The following LRBA variants were observed in gnomAD, a reference collection of about 807,000 sequenced individuals.
LRBA encodes lipopolysaccharide-responsive and beige-like anchor protein.
A neutral mutation model predicts 330.0 loss-of-function variants in LRBA; 176 were observed. The observed-to-expected ratio is 0.53, with a 90% CI of 0.47 to 0.60. LRBA has a LOEUF of 0.60. Among genes scored for constraint, LRBA ranks in the 20% least tolerant of loss-of-function variants. LRBA has a pLI of 0.00. For synonymous variants in LRBA, 1,230 were observed against 1,193.0 expected (o/e 1.03, Z -0.64); for missense variants, 3,259 against 3,444.8 (o/e 0.95, Z 1.35).
At chr4:150,452,897 TC>T (rs1753564635) in intron 44 of LRBA, among the ~76,000 whole-genome samples, 2 of 152,142 alleles carry the variant, frequency 1.3e-5, no homozygotes, top group Non-Finnish European at 2.9e-5. Flanking sequence ...TTTACAAAAT[TC>T]AGCTGTATTT....
chr4:150,935,639 T>C (rs934657725), intron 2 of LRBA, among the ~76,000 whole-genome samples: 1 of 151,794 alleles, frequency 6.6e-6, no homozygotes, highest in African/African-American at 2.4e-5. Flanking sequence ...GGGAATTAAA[T>C]ATATGAAAAA....
At chr4:150,890,325 T>A (rs1285224252) in intron 17 of LRBA, among the ~76,000 whole-genome samples, 1 of 152,088 alleles carries the variant, frequency 6.6e-6, no homozygotes, top group Non-Finnish European at 1.5e-5. Context: ...TAGCTTAGAG[T>A]GTGCCTACCT....
intron 22 of LRBA, among the ~76,000 whole-genome samples, chr4:150,853,626 C>A (rs958359190): frequency 1.3e-5 from 2 of 152,076 alleles, no homozygotes; most frequent in African/African-American, 4.8e-5. Flanking sequence ...CGTGAACATT[C>A]CTATATCATG....
chr4:151,009,840 CGT>C (rs950169344), intron 2 of LRBA, among the ~76,000 whole-genome samples: 1 of 150,104 alleles, frequency 6.7e-6, no homozygotes, highest in Admixed American at 6.7e-5. Flanking sequence ...ATTAGCTGGG[CGT>C]GGTGGCACGT....
chr4:150,296,456 C>T (rs527548965), intron 53 of LRBA, among the ~76,000 whole-genome samples: 1 of 152,138 alleles, frequency 6.6e-6, no homozygotes, highest in Admixed American at 6.5e-5. Context: ...CATTTTCTCA[C>T]TTGAATGTGA....
intron 36 of LRBA, among the ~76,000 whole-genome samples, chr4:150,705,913 C>T (rs1785571225): frequency 6.6e-6 from 1 of 151,872 alleles, no homozygotes; most frequent in Non-Finnish European, 1.5e-5. Context: ...TTTTTAACAT[C>T]ACACTGGTGA....
chr4:150,929,411 C>T (rs923722665), intron 2 of LRBA, among the ~76,000 whole-genome samples: 1 of 152,204 alleles, frequency 6.6e-6, no homozygotes, highest in Admixed American at 6.5e-5. Context: ...CTGTGAACTA[C>T]ACTGAATAAT....
intron 40 of LRBA, among the ~76,000 whole-genome samples, chr4:150,494,788 G>T (rs2152110009): frequency 6.6e-6 from 1 of 152,288 alleles, no homozygotes; most frequent in South Asian, 2.1e-4. Context: ...GAGGTCAGGA[G>T]ATGGGGACCA....
intron 2 of LRBA, among the ~76,000 whole-genome samples, chr4:150,929,943 T>C (rs923677250): frequency 6.6e-6 from 1 of 152,216 alleles, no homozygotes; most frequent in African/African-American, 2.4e-5. Context: ...TCTTTCTGAA[T>C]ACTTCTTGAT....
At chr4:150,646,814 T>C (rs1389159083) in intron 37 of LRBA, among the ~76,000 whole-genome samples, 1 of 151,994 alleles carries the variant, frequency 6.6e-6, no homozygotes, top group South Asian at 2.1e-4. Context: ...AGCACAGACA[T>C]AACATGCAAA....
Position 150,848,974 on chromosome 4 carries a change from T to C in LRBA, c.4183A>G (p.Thr1395Ala). 1 of 1,603,006 alleles carries C rather than the reference T, an allele frequency of 6.2e-7. No individual in the cohort carries two copies. Among genetic ancestry groups the C allele is most frequent in the Non-Finnish European group, 8.5e-7 (1 of 1,176,340 alleles). ...ATHELENIEP[T>A]QGLSIEASVT... is the part of the protein sequence containing the mutation. ...GAGGCTTCTATTGAAAGGCCTTGAG[T>C]AGGTTCAATATTTTCCAGTTCATGC... Residue 1395 changes from threonine (T) to alanine (A), a missense_variant, in exon 26 of 57, where the codon ACT becomes GCT. By Grantham distance (58) the Thr-to-Ala change is moderately conservative. Coordinates refer to ENST00000651943, the MANE Select transcript of LRBA (RefSeq NM_001364905.1).
At position 150,389,353 on chromosome 4, in the gene LRBA, C is replaced by CTAAATAAA. The variant is rs555482145; in HGVS notation, c.7194+26077_7194+26084dup. Among the ~76,000 whole-genome samples, 72 of 150,268 alleles carry CTAAATAAA rather than the reference C, an allele frequency of 4.8e-4. 1 individual carries two copies. Among genetic ancestry groups the CTAAATAAA allele is most frequent in the African/African-American group, 1.4e-3 (56 of 40,232 alleles). The stretch of plus-strand genomic sequence containing the variant: ...TGAACAACAGAGTGAGACTCAGTCT[C>CTAAATAAA]TAAATAAATAAATAAATAAATAAAT... On this transcript the variant is annotated intron_variant, in intron 47 of 56. Coordinates refer to ENST00000651943, the MANE Select transcript of LRBA (RefSeq NM_001364905.1).
intron 2 of LRBA, among the ~76,000 whole-genome samples, chr4:150,956,384 C>T (rs1276060757): frequency 6.7e-6 from 1 of 148,426 alleles, no homozygotes; most frequent in Non-Finnish European, 1.5e-5. Flanking sequence ...AAAATCAACT[C>T]ACAAAAAACA....
chr4:150,894,015 TTTATG>T (rs1729783296), intron 16 of LRBA, among the ~76,000 whole-genome samples: 1 of 152,224 alleles, frequency 6.6e-6, no homozygotes, highest in African/African-American at 2.4e-5. Context: ...TAAAATACCT[TTTATG>T]TTATATTGAA....
At chr4:150,808,082 TTC>T (rs1743062516) in intron 32 of LRBA, among the ~76,000 whole-genome samples, 2 of 152,190 alleles carry the variant, frequency 1.3e-5, no homozygotes, top group South Asian at 2.1e-4. Context: ...AAATAGTCAC[TTC>T]TCATGAAGTG....
chr4:150,987,967 ACT>A (rs1741643921), intron 2 of LRBA, among the ~76,000 whole-genome samples: 1 of 150,704 alleles, frequency 6.6e-6, no homozygotes, highest in South Asian at 2.1e-4. Context: ...ACACAACTTC[ACT>A]ACAGCCTGGG....
At chr4:150,335,254 A>G (rs1734507635) in intron 48 of LRBA, among the ~76,000 whole-genome samples, 1 of 151,958 alleles carries the variant, frequency 6.6e-6, no homozygotes, top group Non-Finnish European at 1.5e-5. Context: ...AAACTCTGAT[A>G]ATGGAATACT....
intron 40 of LRBA, among the ~76,000 whole-genome samples, chr4:150,559,658 T>TATAATATATATATTA (rs1561350813): frequency 1.6e-4 from 4 of 24,338 alleles, no homozygotes; most frequent in South Asian, 1.2e-3. Context: ...TAATATATAA[T>TATAATATATATATTA]TATAATATAT....
At chr4:150,624,311 A>C (rs1348828505) in intron 37 of LRBA, among the ~76,000 whole-genome samples, 2 of 1,296 alleles carry the variant, frequency 1.5e-3, no homozygotes, top group African/African-American at 2.5e-3. Flanking sequence ...CCTCCCTATC[A>C]AAAAAAAAAA....
Sources: allele counts gnomAD v4.1 joint callset (sites outside exome capture counted in the v4.1 genomes callset), GRCh38; gene constraint gnomAD v4.1.1; transcripts MANE v1.5; gene names NCBI Gene and HGNC (gene_info 2026-07-23, HGNC 2026-07-21).